Variants in OLA1 observed in about 807,000 individuals in gnomAD.
The protein encoded by OLA1 is obg-like ATPase 1.
A neutral mutation model predicts 48.4 loss-of-function variants in OLA1; 14 were observed. That is an observed-to-expected ratio of 0.29 (90% CI 0.19 to 0.45). OLA1 has a LOEUF of 0.45. Among genes scored for constraint, OLA1 ranks in the 20% least tolerant of loss-of-function variants. The pLI is 1.00. For missense variants in OLA1, 325 were observed against 467.1 expected (o/e 0.70, Z 2.80); for synonymous variants, 127 against 150.4 (o/e 0.84, Z 1.14).
intron 4 of OLA1, among the ~76,000 whole-genome samples, chr2:174,160,906 T>C (rs1377355893): frequency 1.3e-5 from 2 of 152,226 alleles, no homozygotes; most frequent in Admixed American, 1.3e-4. Context: ...TGCAACCCTC[T>C]TGATGATCAG....
chr2:174,192,696 C>T (rs1158930443), intron 4 of OLA1, among the ~76,000 whole-genome samples: 3 of 152,098 alleles, frequency 2.0e-5, no homozygotes, highest in Non-Finnish European at 4.4e-5. Flanking sequence ...CAATGAATTC[C>T]TAGTCTTTGT....
intron 5 of OLA1, among the ~76,000 whole-genome samples, chr2:174,125,903 C>G (rs1686034229): frequency 6.6e-6 from 1 of 152,064 alleles, no homozygotes; most frequent in South Asian, 2.1e-4. Flanking sequence ...ATATTATAAC[C>G]TAGTTTTTGG....
At chr2:174,100,408 A>C (rs79177518) in intron 7 of OLA1, among the ~76,000 whole-genome samples, 3,554 of 152,176 alleles carry the variant, frequency 0.023, 64 homozygotes, top group Non-Finnish European at 0.031. Flanking sequence ...GGAGACATTA[A>C]TAACTTTTTT....
chr2:174,112,060 C>T (rs1180254757), intron 7 of OLA1, among the ~76,000 whole-genome samples: 2 of 152,144 alleles, frequency 1.3e-5, no homozygotes, highest in Non-Finnish European at 2.9e-5. Flanking sequence ...AATTTTTAGT[C>T]TCAGATTTTA....
intron 4 of OLA1, among the ~76,000 whole-genome samples, chr2:174,196,714 T>C (rs1046565494): frequency 6.6e-6 from 1 of 152,214 alleles, no homozygotes; most frequent in Non-Finnish European, 1.5e-5. Flanking sequence ...GTATATGCTA[T>C]GCACATAAGA....
intron 6 of OLA1, 72 bp downstream of exon 6, chr2:174,123,520 TAAC>T (rs1685969409): frequency 3.4e-6 from 3 of 872,210 alleles, no homozygotes; most frequent in East Asian, 2.6e-5. Context: ...AAGTGTAAAA[TAAC>T]AACAACTCTA....
intron 4 of OLA1, among the ~76,000 whole-genome samples, chr2:174,166,617 G>A (rs1174896676): frequency 4.6e-5 from 7 of 152,066 alleles, no homozygotes; most frequent in African/African-American, 4.8e-5. Flanking sequence ...CTATAGCACG[G>A]TGCAATAGTG....
chr2:174,246,922 A>T, intron 1 of OLA1, 107 bp from the exon 2 acceptor site: 1 of 680,256 alleles, frequency 1.5e-6, no homozygotes, highest in Admixed American at 2.8e-5. Flanking sequence ...TAAGAACAAA[A>T]CATACTGTAT....
intron 6 of OLA1, 104 bp downstream of exon 6, chr2:174,123,491 A>C (rs2075482567): frequency 1.4e-6 from 1 of 730,394 alleles, no homozygotes; most frequent in African/African-American, 1.8e-5. Flanking sequence ...GACAGAAATA[A>C]AAATTTAGAT....
chr2:174,174,540 T>C (rs1687380485), intron 4 of OLA1, among the ~76,000 whole-genome samples: 1 of 152,010 alleles, frequency 6.6e-6, no homozygotes, highest in Non-Finnish European at 1.5e-5. Flanking sequence ...ATTAAGGGCT[T>C]CTAAAAATAA....
intron 4 of OLA1, among the ~76,000 whole-genome samples, chr2:174,159,894 C>T (rs1322360257): frequency 6.6e-6 from 1 of 151,828 alleles, no homozygotes; most frequent in East Asian, 1.9e-4. Context: ...TATGTCACAC[C>T]TTGATTAAAA....
chr2:174,177,987 T>C (rs1687455036), intron 4 of OLA1, among the ~76,000 whole-genome samples: 2 of 152,078 alleles, frequency 1.3e-5, no homozygotes, highest in Non-Finnish European at 2.9e-5. Context: ...GTTGTTGACT[T>C]TTCCCCAATT....
intron 7 of OLA1, among the ~76,000 whole-genome samples, chr2:174,099,160 A>AT (rs753871074): frequency 0.026 from 3,677 of 144,036 alleles, 65 homozygotes; most frequent in Middle Eastern, 0.05. Flanking sequence ...TATTTTATTT[A>AT]TTTTTTTTTT....
chr2:174,128,745 A>T (rs903629716), intron 5 of OLA1, among the ~76,000 whole-genome samples: 10 of 151,780 alleles, frequency 6.6e-5, no homozygotes, highest in Non-Finnish European at 1.0e-4. Context: ...TCAAAAAAAA[A>T]AAAAATAAAA....
chr2:174,184,173 T>C (rs1256373980), intron 4 of OLA1, among the ~76,000 whole-genome samples: 2 of 152,152 alleles, frequency 1.3e-5, no homozygotes, highest in Non-Finnish European at 2.9e-5. Flanking sequence ...TGTTTCCTCC[T>C]CTGCTTTAAG....
chr2:174,219,422 C>CTT lies in OLA1; in HGVS notation c.373+3610_373+3611insAA, dbSNP rs1559011396. 2.1e-3 allele frequency among the ~76,000 whole-genome samples: 302 copies of CTT among 144,094 alleles called. 3 individuals carry two copies. The highest frequency in any genetic ancestry group is 7.5e-3 in the African/African-American group (288 of 38,340). 94.5% of individuals were successfully genotyped at this position (144,094 alleles called of 152,430 possible). ...TTGGCAACTTACTCCATTTTATTTC[C>CTT]CTTTTTTTTTTTTTTTTTTTTTTTT... On this transcript the variant is annotated intron_variant, in intron 4 of 10. Coordinates refer to ENST00000284719, the MANE Select transcript of OLA1 (RefSeq NM_013341.5).
At chr2:174,156,764 T>C (rs1686894168) in intron 4 of OLA1, among the ~76,000 whole-genome samples, 1 of 151,896 alleles carries the variant, frequency 6.6e-6, no homozygotes, top group African/African-American at 2.4e-5. Flanking sequence ...TTTGTATTTT[T>C]AGTAGAGACA....
intron 4 of OLA1, among the ~76,000 whole-genome samples, chr2:174,148,157 C>T (rs1367463878): frequency 6.6e-6 from 1 of 152,150 alleles, no homozygotes; most frequent in African/African-American, 2.4e-5. Context: ...GAGGCCGAGG[C>T]GGGCAGATAA....
intron 4 of OLA1, among the ~76,000 whole-genome samples, chr2:174,211,715 T>G (rs1173867891): frequency 6.6e-6 from 1 of 152,196 alleles, no homozygotes; most frequent in Non-Finnish European, 1.5e-5. Flanking sequence ...TTTTCAAATT[T>G]TTTTCTATGC....
Sources: gnomAD v4.1 joint callset for allele counts (sites outside exome capture counted in the v4.1 genomes callset) on GRCh38, gnomAD v4.1.1 for gene constraint, MANE v1.5 for transcripts, NCBI Gene and HGNC (gene_info 2026-07-23, HGNC 2026-07-21) for gene names.